FAM13A: variants seen among roughly 807,000 people sequenced by gnomAD.
FAM13A encodes family with sequence similarity 13 member A, also known as protein FAM13A.
A neutral mutation model predicts 129.6 loss-of-function variants in FAM13A; 76 were observed. That is an observed-to-expected ratio of 0.59 (90% confidence interval 0.49 to 0.71). FAM13A has a LOEUF of 0.71. FAM13A is among the 30% of genes least tolerant of loss of function. FAM13A has a pLI of 0.00. For missense variants in FAM13A, 1,108 were observed against 1,249.3 expected, an observed-to-expected ratio of 0.89 and a Z score of 1.70; for synonymous variants, 443 against 449.9, an observed-to-expected ratio of 0.98 and a Z score of 0.20.
chr4:88,795,604 T>A (rs969732483), intron 8 of FAM13A, among the ~76,000 whole-genome samples: 2 of 151,846 alleles, frequency 1.3e-5, no homozygotes, highest in African/African-American at 4.8e-5. Context: ...AGAATTTAAG[T>A]ATCTAAGTTT....
intron 4 of FAM13A, among the ~76,000 whole-genome samples, chr4:88,956,583 T>C (rs1199663069): frequency 2.6e-5 from 4 of 152,232 alleles, no homozygotes; most frequent in Non-Finnish European, 5.9e-5. Context: ...CTATTACTGA[T>C]ATAACAAATT....
chr4:89,036,029 G>C (rs1769348866), intron 1 of FAM13A, among the ~76,000 whole-genome samples: 1 of 152,204 alleles, frequency 6.6e-6, no homozygotes, highest in Admixed American at 6.5e-5. Context: ...TGGTACCTAG[G>C]AGTGGGCATT....
intron 6 of FAM13A, among the ~76,000 whole-genome samples, chr4:88,879,850 G>GA (rs1412514444): frequency 7.2e-4 from 108 of 151,012 alleles, no homozygotes; most frequent in African/African-American, 2.5e-3. Flanking sequence ...GCATGAGCAA[G>GA]AAAAAAAAAT....
intron 11 of FAM13A, among the ~76,000 whole-genome samples, chr4:88,780,109 T>G (rs1722565176): frequency 6.6e-6 from 1 of 152,174 alleles, no homozygotes; most frequent in Non-Finnish European, 1.5e-5. Flanking sequence ...CAGACATAAG[T>G]CTGAGGTAGA....
intron 7 of FAM13A, among the ~76,000 whole-genome samples, 191 bp from the exon 8 acceptor site, chr4:88,805,243 C>A (rs772855875): frequency 1.3e-5 from 2 of 152,192 alleles, no homozygotes; most frequent in Non-Finnish European, 2.9e-5. Flanking sequence ...AGGATACCAT[C>A]AAGTGAGGCT....
intron 2 of FAM13A, among the ~76,000 whole-genome samples, chr4:89,022,916 C>G (rs1434743332): frequency 6.6e-6 from 1 of 152,102 alleles, no homozygotes; most frequent in Non-Finnish European, 1.5e-5. Context: ...CATGAATGAG[C>G]TTGGGAGGGA....
intron 6 of FAM13A, among the ~76,000 whole-genome samples, chr4:88,857,208 A>G (rs1738669728): frequency 6.6e-6 from 1 of 152,230 alleles, no homozygotes; most frequent in South Asian, 2.1e-4. Context: ...TTAAACAGTT[A>G]TAACTAATTA....
intron 1 of FAM13A, among the ~76,000 whole-genome samples, chr4:89,031,388 T>C (rs1377662545): frequency 2.0e-5 from 3 of 152,202 alleles, no homozygotes; most frequent in East Asian, 3.8e-4. Context: ...GCATAGACTA[T>C]GGAACAAGAC....
chr4:88,952,520 A>G (rs950271136), intron 4 of FAM13A, among the ~76,000 whole-genome samples: 9 of 152,188 alleles, frequency 5.9e-5, no homozygotes, highest in Admixed American at 4.6e-4. Flanking sequence ...AGATCCTCAT[A>G]TATCTTAGTT....
chr4:89,034,814 G>A (rs543685799), intron 1 of FAM13A, among the ~76,000 whole-genome samples: 53 of 152,276 alleles, frequency 3.5e-4, no homozygotes, highest in Non-Finnish European at 4.3e-4. Context: ...CCTGGGAGGC[G>A]GAGGTTGCAG....
intron 1 of FAM13A, among the ~76,000 whole-genome samples, chr4:89,050,708 A>G (rs960715437): frequency 6.6e-6 from 1 of 151,808 alleles, no homozygotes; most frequent in Non-Finnish European, 1.5e-5. Flanking sequence ...CGGGTGGATC[A>G]CCTGAGGTCA....
chr4:88,822,923 T>A, intron 7 of FAM13A: 1 of 1,600,512 alleles, frequency 6.2e-7, no homozygotes, highest in Admixed American at 1.7e-5. Context: ...TTATATGGCT[T>A]GATACAACTC....
chr4:88,939,071 A>C (rs1424562478), intron 4 of FAM13A, among the ~76,000 whole-genome samples: 2 of 152,220 alleles, frequency 1.3e-5, no homozygotes, highest in Non-Finnish European at 2.9e-5. Flanking sequence ...TATCTGTATT[A>C]ATTTTCTGAG....
At chr4:88,983,649 A>T (rs980944936) in intron 4 of FAM13A, among the ~76,000 whole-genome samples, 2 of 152,152 alleles carry the variant, frequency 1.3e-5, no homozygotes, top group Non-Finnish European at 2.9e-5. Flanking sequence ...CAAATTAAAG[A>T]CCTAAGTAAA....
chr4:88,785,034 T>C (rs747780171), intron 10 of FAM13A, among the ~76,000 whole-genome samples: 6 of 152,176 alleles, frequency 3.9e-5, no homozygotes, highest in Non-Finnish European at 8.8e-5. Flanking sequence ...TGAAGTTATT[T>C]GTAGTCTTTG....
At chr4:88,881,699 G>C (rs1743595168) in intron 6 of FAM13A, among the ~76,000 whole-genome samples, 1 of 152,170 alleles carries the variant, frequency 6.6e-6, no homozygotes, top group Non-Finnish European at 1.5e-5. Context: ...CTACAGAAAG[G>C]TGAAGTCTAA....
chr4:88,733,303 A>AT (rs1360703766), intron 21 of FAM13A, among the ~76,000 whole-genome samples: 2 of 152,184 alleles, frequency 1.3e-5, no homozygotes, highest in Admixed American at 1.3e-4. Context: ...AAAAAGGACT[A>AT]TCATATAACT....
chr4:88,953,586 C>T (rs1365632088), intron 4 of FAM13A, among the ~76,000 whole-genome samples: 1 of 152,128 alleles, frequency 6.6e-6, no homozygotes, highest in Non-Finnish European at 1.5e-5. Flanking sequence ...TCTCCAGAAC[C>T]TTTTCATCTG....
chr4:88,781,116 A>G (rs773382951), intron 11 of FAM13A, 49 bp downstream of exon 11: 7 of 1,253,416 alleles, frequency 5.6e-6, no homozygotes, highest in Non-Finnish European at 7.7e-6. Flanking sequence ...CAAAGAAAAG[A>G]GATGTAATAT....
Sources: gnomAD v4.1 joint callset for allele counts (sites outside exome capture counted in the v4.1 genomes callset) on GRCh38, gnomAD v4.1.1 for gene constraint, MANE v1.5 for transcripts, NCBI Gene and HGNC (gene_info 2026-07-23, HGNC 2026-07-21) for gene names.